The following PHF14 variants were observed in gnomAD, a reference collection of about 807,000 sequenced individuals.
The protein encoded by PHF14 is PHD finger protein 14.
Under a neutral mutation model 117.9 loss-of-function variants are expected in PHF14, and 55 were observed. That is an observed-to-expected ratio of 0.47 (90% CI 0.38 to 0.58). The LOEUF is 0.58. Among genes scored for constraint, PHF14 ranks in the 20% least tolerant of loss-of-function variants. PHF14 has a pLI of 0.00. For synonymous variants in PHF14, 409 were observed against 368.6 expected (o/e 1.11, Z -1.26); for missense variants, 978 against 1,122.2 (o/e 0.87, Z 1.84).
At chr7:11,070,707 C>G (rs185801257) in intron 16 of PHF14, among the ~76,000 whole-genome samples, 14 of 152,282 alleles carry the variant, frequency 9.2e-5, no homozygotes, top group Non-Finnish European at 2.9e-5. Flanking sequence ...TCATTATTGT[C>G]TGTCAATTAA....
intron 14 of PHF14, among the ~76,000 whole-genome samples, chr7:11,057,370 CTTATTT>C (rs1785053846): frequency 6.6e-6 from 1 of 151,914 alleles, no homozygotes; most frequent in Admixed American, 6.6e-5. Flanking sequence ...TATTTATTTA[CTTATTT>C]TTATTTTTAT....
intron 3 of PHF14, among the ~76,000 whole-genome samples, chr7:10,985,872 C>G (rs1324367194): frequency 2.6e-5 from 4 of 151,966 alleles, no homozygotes; most frequent in Non-Finnish European, 5.9e-5. Flanking sequence ...AGGCTGTTCT[C>G]CAACTCCTGA....
chr7:11,071,051 G>A (rs140759164), intron 16 of PHF14, among the ~76,000 whole-genome samples: 1 of 152,278 alleles, frequency 6.6e-6, no homozygotes, highest in East Asian at 1.9e-4. Context: ...TTGATTAACT[G>A]ATAATCTTTA....
chr7:11,011,238 G>A (rs961988091), intron 4 of PHF14, among the ~76,000 whole-genome samples: 1 of 151,834 alleles, frequency 6.6e-6, no homozygotes, highest in Non-Finnish European at 1.5e-5. Context: ...TTTCTCGTGG[G>A]TGATTTGTTT....
chr7:11,105,169 T>G (rs1787217003), intron 16 of PHF14: 1 of 973,224 alleles, frequency 1.0e-6, no homozygotes, highest in African/African-American at 1.8e-5. Flanking sequence ...TGTTTTAACA[T>G]GAAAACAAAA....
chr7:10,999,042 G>GT (rs1782763893), intron 4 of PHF14, among the ~76,000 whole-genome samples: 1 of 152,176 alleles, frequency 6.6e-6, no homozygotes, highest in South Asian at 2.1e-4. Flanking sequence ...CGGCACTAGG[G>GT]TTTTTTGCTG....
intron 4 of PHF14, among the ~76,000 whole-genome samples, chr7:11,012,953 T>C (rs1783403332): frequency 1.3e-5 from 2 of 152,198 alleles, no homozygotes; most frequent in Non-Finnish European, 2.9e-5. Flanking sequence ...TGCATAACTT[T>C]GCTTTTACAA....
intron 3 of PHF14, among the ~76,000 whole-genome samples, chr7:10,989,055 G>A (rs771497038): frequency 6.6e-6 from 1 of 152,048 alleles, no homozygotes; most frequent in Non-Finnish European, 1.5e-5. Flanking sequence ...CCAGCCATTT[G>A]TCAGCCCCAG....
At chr7:11,008,443 C>G (rs1050096294) in intron 4 of PHF14, among the ~76,000 whole-genome samples, 1 of 152,138 alleles carries the variant, frequency 6.6e-6, no homozygotes, top group African/African-American at 2.4e-5. Flanking sequence ...TGCCTGAACT[C>G]CACCTCCTGT....
intron 17 of PHF14, among the ~76,000 whole-genome samples, chr7:11,131,190 A>G (rs1046207589): frequency 1.3e-5 from 2 of 151,912 alleles, no homozygotes; most frequent in Admixed American, 1.3e-4. Flanking sequence ...TAGTCAGGAA[A>G]TACCAAGGAG....
chr7:11,089,072 C>G (rs1786538330), intron 16 of PHF14, among the ~76,000 whole-genome samples: 1 of 151,056 alleles, frequency 6.6e-6, no homozygotes, highest in Admixed American at 6.6e-5. Context: ...TGAGCACAGA[C>G]AGACACAAAG....
At chr7:11,063,525 A>C (rs1278743081) in intron 16 of PHF14, 1 of 979,584 alleles carries the variant, frequency 1.0e-6, no homozygotes, top group Non-Finnish European at 1.2e-6. Flanking sequence ...ACAGTAGTTA[A>C]AAACTTATAG....
intron 14 of PHF14, chr7:11,061,232 A>C (rs1321798887): frequency 1.3e-5 from 2 of 152,200 alleles, no homozygotes; most frequent in African/African-American, 4.8e-5. Context: ...TTTTAGCTAA[A>C]TTAGTTTAAA....
intron 2 of PHF14, among the ~76,000 whole-genome samples, chr7:10,977,180 A>T (rs1471127174): frequency 6.6e-6 from 1 of 152,066 alleles, no homozygotes; most frequent in Non-Finnish European, 1.5e-5. Context: ...GTTTCCAAAC[A>T]TGTTGAAGTT....
intron 17 of PHF14, among the ~76,000 whole-genome samples, chr7:11,124,255 C>A (rs1179258440): frequency 1.3e-5 from 2 of 151,866 alleles, no homozygotes; most frequent in South Asian, 4.2e-4. Flanking sequence ...GGTGGTATGT[C>A]CTACTACAAC....
intron 4 of PHF14, among the ~76,000 whole-genome samples, chr7:10,996,238 C>G (rs1782642405): frequency 6.6e-6 from 1 of 152,108 alleles, no homozygotes; most frequent in South Asian, 2.1e-4. Context: ...ATTTAGGAGA[C>G]CATTGCAATT....
At chr7:11,078,871 CAAAGT>C (rs1785969854) in intron 16 of PHF14, among the ~76,000 whole-genome samples, 2 of 152,070 alleles carry the variant, frequency 1.3e-5, no homozygotes, top group East Asian at 3.9e-4. Flanking sequence ...TTCTGTAAAA[CAAAGT>C]AAATTGAGCT....
At chr7:11,091,029 A>G (rs1224807006) in intron 16 of PHF14, among the ~76,000 whole-genome samples, 1 of 152,198 alleles carries the variant, frequency 6.6e-6, no homozygotes, top group Non-Finnish European at 1.5e-5. Flanking sequence ...TAATGATGTT[A>G]AGGGGTCCAA....
At chr7:11,043,842 G>A (rs1784575607) in intron 13 of PHF14, among the ~76,000 whole-genome samples, 1 of 152,020 alleles carries the variant, frequency 6.6e-6, no homozygotes, top group African/African-American at 2.4e-5. Context: ...TAAATTGAAA[G>A]CTAGTTTGAT....
Sources: allele counts gnomAD v4.1 joint callset (sites outside exome capture counted in the v4.1 genomes callset), GRCh38; gene constraint gnomAD v4.1.1; transcripts MANE v1.5; gene names NCBI Gene and HGNC (gene_info 2026-07-23, HGNC 2026-07-21).